The following PTPRF variants were observed in gnomAD, a reference collection of about 807,000 sequenced individuals.
The protein encoded by PTPRF is protein tyrosine phosphatase receptor type F.
Under a neutral mutation model 201.8 loss-of-function variants are expected in PTPRF, and 59 were observed. The observed-to-expected ratio is 0.29, with a 90% CI of 0.24 to 0.36. The LOEUF (loss-of-function observed/expected upper bound fraction) is 0.36, where lower values mean the gene tolerates loss of function less well. Ranked by LOEUF, PTPRF falls within the 10% of genes least tolerant of loss-of-function variation. PTPRF has a pLI of 1.00. For missense variants in PTPRF, 2,132 were observed against 2,690.5 expected, an observed-to-expected ratio of 0.79 and a Z score of 4.59; for synonymous variants, 1,088 against 1,089.7, an observed-to-expected ratio of 1.00 and a Z score of 0.03.
At position 43,603,834 on chromosome 1, in the gene PTPRF, C is replaced by T. The variant is rs1366566240; in HGVS notation, c.2682C>T (p.Ala894=). The T allele has an allele frequency of 2.5e-6, 4 of 1,614,028 alleles. No individual in the cohort carries two copies. Among genetic ancestry groups the T allele is most frequent in the Non-Finnish European group, 3.4e-6 (4 of 1,180,042 alleles). Residue 894 remains alanine, a synonymous_variant, in exon 16 of 34, where the codon GCC becomes GCT. Coordinates refer to ENST00000359947, the MANE Select transcript of PTPRF (RefSeq NM_002840.5). This position sits in a 1 kb window ranked among gnomAD's most constrained non-coding sequence, Gnocchi z 5.8. ...KGTTYIFRLA[A]KNRAGLGEEF... Reference sequence around the variant, plus strand: ...CCACCTACATCTTCCGGCTTGCTGCCAAGAACCGGGCTGGCTTGGGTGAGG... The same window carrying T: ...CCACCTACATCTTCCGGCTTGCTGCTAAGAACCGGGCTGGCTTGGGTGAGG...
At chr1:43,576,846 T>C (rs1224051624) in intron 6 of PTPRF, among the ~76,000 whole-genome samples, 4 of 152,162 alleles carry the variant, frequency 2.6e-5, no homozygotes, top group African/African-American at 9.7e-5. Flanking sequence ...CCTTCAGAGC[T>C]CAGGACCAGG....
At chr1:43,574,929 A>G (rs1348573989) in intron 6 of PTPRF, among the ~76,000 whole-genome samples, 1 of 152,202 alleles carries the variant, frequency 6.6e-6, no homozygotes, top group African/African-American at 2.4e-5. Context: ...TCTCATTTGA[A>G]CTTAGAGATG....
chr1:43,617,925 G>A lies in PTPRF; in HGVS notation c.4371+14G>A. 6.3e-7 allele frequency: 1 copy of A among 1,595,342 alleles called. No individual in the cohort carries two copies. Among genetic ancestry groups the A allele is most frequent in the East Asian group, 2.3e-5 (1 of 44,404 alleles). The stretch of plus-strand genomic sequence containing the variant: ...GAGAAGTCCCGGGTGAGGCTGCAGG[G>A]CCCTGCCAGGAGGCGGGTGGGAAAT... On this transcript the variant is annotated intron_variant, in intron 25 of 33. Transcript: ENST00000359947.
intron 5 of PTPRF, among the ~76,000 whole-genome samples, chr1:43,557,132 C>T (rs1484132046): frequency 1.3e-5 from 2 of 152,302 alleles, no homozygotes; most frequent in East Asian, 3.9e-4. Flanking sequence ...ACCAGAGGCC[C>T]CAGAGGGCTT....
intron 24 of PTPRF, 24 bp from the exon 25 acceptor site, chr1:43,617,712 T>G (rs747596114): frequency 2.4e-5 from 38 of 1,607,160 alleles, no homozygotes; most frequent in Non-Finnish European, 3.2e-5. Flanking sequence ...AGTAATGCCC[T>G]CCCACCTCCT....
chr1:43,558,900 AAGCCCAG>A (rs1645588942), intron 5 of PTPRF, among the ~76,000 whole-genome samples: 1 of 152,154 alleles, frequency 6.6e-6, no homozygotes, highest in Non-Finnish European at 1.5e-5. Context: ...CTGGCCGGGA[AAGCCCAG>A]GAGGCCGCCA....
chr1:43,541,589 A>G (rs1451278150), intron 2 of PTPRF, among the ~76,000 whole-genome samples: 1 of 152,138 alleles, frequency 6.6e-6, no homozygotes, highest in Non-Finnish European at 1.5e-5. Context: ...GCAATTTTTT[A>G]TTTTGCCAAG....
At chr1:43,559,657 G>C (rs1465226841) in intron 5 of PTPRF, among the ~76,000 whole-genome samples, 1 of 150,728 alleles carries the variant, frequency 6.6e-6, no homozygotes, top group Non-Finnish European at 1.5e-5. Flanking sequence ...GGTGTGGTGT[G>C]TGTTTATGTG....
intron 13 of PTPRF, among the ~76,000 whole-genome samples, chr1:43,600,569 C>T (rs1425068241): frequency 6.6e-6 from 1 of 151,854 alleles, no homozygotes; most frequent in Admixed American, 6.5e-5. Flanking sequence ...CTGTCAAGGG[C>T]GGCACATTCT....
rs182835593 is a variant in PTPRF at position 43,590,975 on chromosome 1, T to C, written c.953T>C (p.Leu318Pro). 2.5e-6 allele frequency: 4 copies of C among 1,603,708 alleles called. No homozygotes were observed. Among genetic ancestry groups the C allele is most frequent in the East Asian group, 4.5e-5 (2 of 44,574 alleles). The change falls in exon 9 of 34, where the codon CTT becomes CCT. Residue 318 changes from leucine (L) to proline (P), a missense_variant. Transcript: ENST00000359947. Reference sequence around the variant, plus strand: ...GAGCCTTCCACTTTGTCTCCAGCTCTTCCAAAGCCTCCGATTGATCTTGTG... The same window carrying C: ...GAGCCTTCCACTTTGTCTCCAGCTCCTCCAAAGCCTCCGATTGATCTTGTG... ...EATAQVTVKALPKPPIDLVVT... is the reference protein window; with the variant it reads ...EATAQVTVKAPPKPPIDLVVT...
At position 43,620,481 on chromosome 1, in the gene PTPRF, G is replaced by C; in HGVS notation, c.5266G>C (p.Glu1756Gln). Reference protein sequence around the residue: ...REKCHQYWPAERSARYQYFVV... With the variant: ...REKCHQYWPAQRSARYQYFVV... ...GAAATGCCACCAGTACTGGCCAGCA[G>C]AGCGCTCTGCTCGCTACCAGTACTT... Residue 1756 changes from glutamate to glutamine, a missense_variant, in exon 31 of 34, where the codon GAG (glutamate) becomes CAG (glutamine). By Grantham distance (29) the Glu-to-Gln change is conservative. This residue lies in a region of PTPRF where 519 missense variants were observed against 659.5 expected (regional missense o/e 0.79). Transcript: ENST00000359947. 2 of 1,613,404 alleles carry C rather than the reference G, an allele frequency of 1.2e-6. No individual in the cohort carries two copies. Among genetic ancestry groups the C allele is most frequent in the Non-Finnish European group, 1.7e-6 (2 of 1,179,324 alleles).
intron 5 of PTPRF, among the ~76,000 whole-genome samples, chr1:43,565,619 G>A (rs993446938): frequency 6.6e-6 from 1 of 152,238 alleles, no homozygotes; most frequent in South Asian, 2.1e-4. Flanking sequence ...CCTGAGACGC[G>A]TAGTGCAGAC....
At chr1:43,575,365 C>G (rs188361746) in intron 6 of PTPRF, among the ~76,000 whole-genome samples, 48 of 152,248 alleles carry the variant, frequency 3.2e-4, no homozygotes, top group Admixed American at 5.2e-4. Context: ...TGTCTCTGGG[C>G]TGTGAGTTTG....
chr1:43,551,666 C>A (rs1395071054), intron 3 of PTPRF, among the ~76,000 whole-genome samples: 2 of 152,180 alleles, frequency 1.3e-5, no homozygotes, highest in African/African-American at 4.8e-5. Context: ...TTTCACCCTC[C>A]GAGCCTCTAT....
chr1:43,605,069 C>T (rs1654741343), intron 17 of PTPRF, 69 bp downstream of exon 17: 3 of 1,588,780 alleles, frequency 1.9e-6, no homozygotes, highest in African/African-American at 2.7e-5. Context: ...CTTTCCAGTC[C>T]TAACCCATGT....
intron 6 of PTPRF, 146 bp from the exon 7 acceptor site, chr1:43,578,664 G>A: frequency 1.6e-6 from 1 of 636,148 alleles, no homozygotes; most frequent in East Asian, 2.8e-5. Context: ...AGAGCTTCCT[G>A]GAAGCAGCAG....
intron 21 of PTPRF, among the ~76,000 whole-genome samples, chr1:43,608,956 C>A (rs1270979479): frequency 6.6e-6 from 1 of 152,102 alleles, no homozygotes; most frequent in Non-Finnish European, 1.5e-5. Flanking sequence ...TACCCTGATA[C>A]TCTGAGGGCC....
At chr1:43,534,569 G>C (rs1643890886) in intron 1 of PTPRF, among the ~76,000 whole-genome samples, 1 of 152,168 alleles carries the variant, frequency 6.6e-6, no homozygotes, top group Admixed American at 6.5e-5. Flanking sequence ...TGAAGGCCCT[G>C]AAGCTTCACT....
rs745642591 is a variant in PTPRF at position 43,604,095 on chromosome 1, C to T, written c.2943C>T (p.Asp981=). ...TTACCCTTACTGGCCTCAAGCCAGA[C>T]ACCACTTACGACATCAAGGTCCGCG... The part of the protein sequence containing the change: ...TRFTLTGLKP[D]TTYDIKVRAW... The change falls in exon 16 of 34, where the codon GAC becomes GAT. Residue 981 remains aspartate, a synonymous_variant. Transcript: ENST00000359947. 3.7e-6 allele frequency: 6 copies of T among 1,614,226 alleles called. No homozygotes were observed. The South Asian group carries it at 4.4e-5, about 12-fold the overall frequency.
Sources: allele counts gnomAD v4.1 joint callset (sites outside exome capture counted in the v4.1 genomes callset), GRCh38; gene constraint gnomAD v4.1.1; regional missense constraint gnomAD v4.1.1; non-coding constraint Gnocchi (gnomAD v3.1); transcripts MANE v1.5; gene names NCBI Gene and HGNC (gene_info 2026-07-23, HGNC 2026-07-21).